The following AKAP12 variants were observed in gnomAD, a reference collection of about 807,000 sequenced individuals.
The protein encoded by AKAP12 is A-kinase anchor protein 12.
AKAP12 carries 32 observed loss-of-function variants against 79.9 expected under a neutral mutation model. The ratio of observed to expected loss-of-function variants is 0.40; its 90% CI spans 0.30 to 0.54. The LOEUF is 0.54. AKAP12 is among the 20% of genes least tolerant of loss of function. The pLI, the probability that AKAP12 is intolerant of heterozygous loss-of-function variation, is 0.48. For synonymous variants in AKAP12, 808 were observed against 857.0 expected (o/e 0.94, Z 1.00); for missense variants, 2,074 against 2,177.0 (o/e 0.95, Z 0.94).
intron 2 of AKAP12, among the ~76,000 whole-genome samples, chr6:151,278,649 G>A (rs1325772578): frequency 6.6e-6 from 1 of 151,826 alleles, no homozygotes; most frequent in African/African-American, 2.4e-5. Context: ...TATTGGTACT[G>A]CAATTAATGA....
intron 2 of AKAP12, among the ~76,000 whole-genome samples, chr6:151,256,041 C>T (rs765431323): frequency 5.3e-5 from 8 of 152,024 alleles, no homozygotes; most frequent in Non-Finnish European, 5.9e-5. Context: ...GGCACCAATC[C>T]GACAGTGCTC....
At chr6:151,254,523 G>A (rs1424647672) in intron 2 of AKAP12, among the ~76,000 whole-genome samples, 7 of 152,074 alleles carry the variant, frequency 4.6e-5, no homozygotes, top group African/African-American at 1.4e-4. Context: ...GGCTAATTTT[G>A]TATTTTTAGT....
chr6:151,349,159 C>T lies in AKAP12; in HGVS notation c.768C>T (p.Ala256=), dbSNP rs769127522. 2.0e-5 allele frequency: 33 copies of T among 1,613,614 alleles called. No homozygotes were observed. The highest frequency in any genetic ancestry group is 3.3e-5 in the South Asian group (3 of 91,072). ...GCCACGCAGAAATTTCTCCCCCAGCCGAATCTGGCCAAGCAGTGGAGGAAT... is the reference window on the plus strand; with the variant it reads ...GCCACGCAGAAATTTCTCCCCCAGCTGAATCTGGCCAAGCAGTGGAGGAAT... ...EQSHAEISPP[A]ESGQAVEECK... is the part of the protein sequence containing the mutation. The change falls in exon 4 of 5, where the codon GCC becomes GCT. Residue 256 remains alanine, a synonymous_variant. Coordinates refer to ENST00000402676, the MANE Select transcript of AKAP12 (RefSeq NM_005100.4).
At chr6:151,305,562 C>T (rs1181879566) in intron 2 of AKAP12, among the ~76,000 whole-genome samples, 185 bp from the exon 3 acceptor site, 2 of 152,054 alleles carry the variant, frequency 1.3e-5, no homozygotes, top group African/African-American at 4.8e-5. Context: ...AGATACAAGG[C>T]CCTATCTGCT....
intron 3 of AKAP12, chr6:151,325,361 T>C: frequency 1.0e-6 from 1 of 985,472 alleles, no homozygotes; most frequent in Non-Finnish European, 1.2e-6. Context: ...GAAGTATTAG[T>C]AAATCGGTGC....
rs555707908 is a variant in AKAP12, at chr6:151,356,777, T to G, written c.*1063T>G. 3.0e-4 allele frequency: 46 copies of G among 152,348 alleles called. No individual in the cohort carries two copies. The highest frequency in any genetic ancestry group is 1.1e-3 in the African/African-American group (46 of 41,568). 9.4% of individuals were successfully genotyped at this position (152,348 alleles called of 1,614,324 possible). On this transcript the variant is annotated 3_prime_UTR_variant, in exon 5 of 5. Transcript: ENST00000402676. ...AAATAAAATATTTGCTTCACTTAGA[T>G]TTGCTGGTTTTATTAGATACCAGGA...
chr6:151,345,791 TAAA>T (rs543919392), intron 3 of AKAP12, among the ~76,000 whole-genome samples: 2 of 128,842 alleles, frequency 1.6e-5, no homozygotes, highest in South Asian at 2.5e-4. Context: ...GACTCTGTCT[TAAA>T]AAAAAAAAAA....
rs750541234 is a variant in AKAP12, at chr6:151,350,080, C to T, written c.1689C>T (p.Gly563=). Residue 563 remains glycine, a synonymous_variant, in exon 4 of 5, where the codon GGC becomes GGT. Transcript: ENST00000402676. This position sits in a 1 kb window ranked among gnomAD's most constrained non-coding sequence, Gnocchi z 4.8. ...DSPDSQEEQK[G]ESSASSPEEP... ...CGGACAGCCAGGAGGAGCAAAAGGG[C>T]GAGAGCTCTGCCTCATCCCCTGAGG... 1.9e-5 allele frequency: 30 copies of T among 1,613,864 alleles called. No individual in the cohort carries two copies. Among genetic ancestry groups the T allele is most frequent in the African/African-American group, 2.7e-5 (2 of 74,856 alleles).
chr6:151,243,399 CT>C (rs1450235507), intron 2 of AKAP12, among the ~76,000 whole-genome samples: 1 of 152,242 alleles, frequency 6.6e-6, no homozygotes, highest in African/African-American at 2.4e-5. Context: ...ATTTACTTTC[CT>C]TTTTTTCTGC....
Position 151,349,984 on chromosome 6 carries a change from G to C in AKAP12, c.1593G>C (p.Lys531Asn). The change falls in exon 4 of 5, where the codon AAG becomes AAC. Residue 531 changes from lysine (K) to asparagine (N), a missense_variant. Lys to Asn is a moderately conservative substitution (Grantham distance 94). Coordinates refer to ENST00000402676, the MANE Select transcript of AKAP12 (RefSeq NM_005100.4). ...TSTGLKKLSG[K>N]KQKGKRGGGD... ...CTGGCTTAAAAAAGCTTTCTGGAAA[G>C]AAACAGAAAGGGAAAAGAGGAGGAG... 6.2e-7 allele frequency: 1 copy of C among 1,614,130 alleles called. No individual in the cohort carries two copies. The highest frequency in any genetic ancestry group is 1.6e-4 in the Middle Eastern group (1 of 6,062).
At chr6:151,327,928 G>T (rs1777568661) in intron 3 of AKAP12, among the ~76,000 whole-genome samples, 1 of 152,214 alleles carries the variant, frequency 6.6e-6, no homozygotes, top group African/African-American at 2.4e-5. Flanking sequence ...GGGAGTTTCA[G>T]CTGTCATTTG....
chr6:151,321,880 T>C (rs1036707143), intron 3 of AKAP12, among the ~76,000 whole-genome samples: 1 of 150,474 alleles, frequency 6.6e-6, no homozygotes, highest in Admixed American at 6.6e-5. Flanking sequence ...CCCTGTTTTT[T>C]AAACCAGGCA....
chr6:151,334,883 A>G (rs576281282), intron 3 of AKAP12, among the ~76,000 whole-genome samples: 147 of 152,138 alleles, frequency 9.7e-4, no homozygotes, highest in African/African-American at 3.4e-3. Context: ...TCGGCCTCCT[A>G]GAGTGCTGGG....
At chr6:151,268,374 G>A (rs537397240) in intron 2 of AKAP12, among the ~76,000 whole-genome samples, 6 of 152,238 alleles carry the variant, frequency 3.9e-5, no homozygotes, top group East Asian at 1.9e-4. Context: ...CTGAGATCAC[G>A]CCATTGCACT....
chr6:151,325,620 TGG>T (rs1338977029), intron 3 of AKAP12: 20 of 951,778 alleles, frequency 2.1e-5, no homozygotes, highest in Non-Finnish European at 2.8e-5. Context: ...GGTGGCTGGG[TGG>T]GGGCGTGGGT....
At chr6:151,304,977 C>A (rs906338473) in intron 2 of AKAP12, among the ~76,000 whole-genome samples, 43 of 152,160 alleles carry the variant, frequency 2.8e-4, no homozygotes, top group Admixed American at 1.3e-4. Context: ...AACAATGACC[C>A]AAATGGACAT....
At chr6:151,243,694 G>C (rs1013249822) in intron 2 of AKAP12, among the ~76,000 whole-genome samples, 1 of 152,158 alleles carries the variant, frequency 6.6e-6, no homozygotes, top group African/African-American at 2.4e-5. Flanking sequence ...GTAAGATCCA[G>C]GCGGGGGCAG....
chr6:151,242,644 T>C (rs1797000120), intron 2 of AKAP12, among the ~76,000 whole-genome samples: 1 of 152,228 alleles, frequency 6.6e-6, no homozygotes, highest in Non-Finnish European at 1.5e-5. Flanking sequence ...GCCTCCCCTC[T>C]TCTTGTTAAG....
intron 2 of AKAP12, among the ~76,000 whole-genome samples, chr6:151,279,757 G>A (rs376558380): frequency 1.3e-5 from 2 of 151,894 alleles, no homozygotes; most frequent in South Asian, 2.1e-4. Context: ...GAAGTGGGAG[G>A]ATTGCTTGAG....
Sources: allele counts gnomAD v4.1 joint callset (sites outside exome capture counted in the v4.1 genomes callset), GRCh38; gene constraint gnomAD v4.1.1; non-coding constraint Gnocchi (gnomAD v3.1); transcripts MANE v1.5; gene names NCBI Gene and HGNC (gene_info 2026-07-23, HGNC 2026-07-21).